The following RNF144A variants were observed in gnomAD, a reference collection of about 807,000 sequenced individuals.
The protein encoded by RNF144A is ring finger protein 144A.
RNF144A carries 11 observed loss-of-function variants against 38.7 expected under a neutral mutation model. That is an observed-to-expected ratio of 0.28 (90% confidence interval 0.18 to 0.47). RNF144A has a LOEUF of 0.47. Among genes scored for constraint, RNF144A ranks in the 20% least tolerant of loss-of-function variants. RNF144A has a pLI of 0.99. For synonymous variants in RNF144A, 149 were observed against 143.9 expected, an observed-to-expected ratio of 1.04 and a Z score of -0.25; for missense variants, 316 against 377.2, an observed-to-expected ratio of 0.84 and a Z score of 1.34.
chr2:7,018,345 A>G (rs763471386), intron 5 of RNF144A, among the ~76,000 whole-genome samples: 2 of 152,236 alleles, frequency 1.3e-5, no homozygotes, highest in South Asian at 4.1e-4. Context: ...CTGGGCAGAC[A>G]TGGGCCTCCT....
At chr2:7,021,203 C>T (rs946005920) in intron 6 of RNF144A, among the ~76,000 whole-genome samples, 23 of 152,152 alleles carry the variant, frequency 1.5e-4, no homozygotes, top group Admixed American at 2.6e-4. Context: ...TTTGACATTT[C>T]GTAGGTTGAT....
intron 6 of RNF144A, chr2:7,020,895 C>A: frequency 1.7e-6 from 1 of 572,492 alleles, no homozygotes; most frequent in African/African-American, 1.9e-5. Flanking sequence ...GTGTGAGGCC[C>A]TGGAAATAGA....
In RNF144A at chr2:6,944,880, C is replaced by T. The variant is rs946631017; in HGVS notation, c.-12+3733C>T. ...AATACTAGAAAATGACATTCCAGCA[C>T]GAGCAAAGATTTTTTAAATGTTTAG... On this transcript the variant is annotated intron_variant, in intron 2 of 8. Transcript: ENST00000320892. The surrounding 1 kb of genome is among the most constrained non-coding windows in gnomAD (Gnocchi z 4.7). Among the ~76,000 whole-genome samples the T allele has an allele frequency of 9.2e-5, 14 of 152,156 alleles. No individual in the cohort carries two copies. The highest frequency in any genetic ancestry group is 3.8e-4 in the East Asian group (2 of 5,196).
intron 1 of RNF144A, among the ~76,000 whole-genome samples, chr2:6,936,955 C>T (rs549866317): frequency 1.4e-4 from 22 of 151,736 alleles, no homozygotes; most frequent in Admixed American, 1.3e-3. Context: ...TCTTATTCAC[C>T]TTGTTGTCAC....
At chr2:7,028,316 C>A (rs770430788) in intron 7 of RNF144A, among the ~76,000 whole-genome samples, 1 of 152,224 alleles carries the variant, frequency 6.6e-6, no homozygotes, top group Admixed American at 6.5e-5. Context: ...GCCCAGACGA[C>A]GGCCCCTGTG....
intron 5 of RNF144A, among the ~76,000 whole-genome samples, chr2:7,019,843 T>A (rs1671397566): frequency 6.6e-6 from 1 of 152,240 alleles, no homozygotes; most frequent in African/African-American, 2.4e-5. Flanking sequence ...GTGCTGTGAT[T>A]TGGAGAGAAA....
chr2:7,056,549 G>T (rs1405787819), intron 6 of RNF144A, among the ~76,000 whole-genome samples: 1 of 152,104 alleles, frequency 6.6e-6, no homozygotes, highest in Non-Finnish European at 1.5e-5. Context: ...TCAATCTGAG[G>T]GTATCTTGGC....
chr2:7,057,743 A>G (rs1453633441), intron 6 of RNF144A, among the ~76,000 whole-genome samples: 1 of 152,226 alleles, frequency 6.6e-6, no homozygotes, highest in Non-Finnish European at 1.5e-5. Flanking sequence ...CAAATTGAAT[A>G]CATTTTAGAT....
At chr2:6,919,912 G>A (rs1311914242) in intron 1 of RNF144A, among the ~76,000 whole-genome samples, 5 of 152,232 alleles carry the variant, frequency 3.3e-5, no homozygotes, top group African/African-American at 1.2e-4. Context: ...AACTCAAAGA[G>A]CATTGTAAAA....
At chr2:6,918,737 C>T (rs575794249) in intron 1 of RNF144A, 1 of 119,750 alleles carries the variant, frequency 8.4e-6, no homozygotes, top group Non-Finnish European at 1.6e-5. Context: ...GCACTCCCGC[C>T]TGGGCGACAG....
chr2:6,996,789 T>C, intron 2 of RNF144A, 127 bp from the exon 3 acceptor site: 1 of 906,118 alleles, frequency 1.1e-6, no homozygotes, highest in Non-Finnish European at 1.7e-6. Context: ...ATCCAGATGC[T>C]CTAGGCTCCA....
At chr2:6,930,225 G>T (rs372327917) in intron 1 of RNF144A, among the ~76,000 whole-genome samples, 1 of 152,198 alleles carries the variant, frequency 6.6e-6, no homozygotes, top group South Asian at 2.1e-4. Context: ...GATTTTTGGA[G>T]ATAGTGGGCA....
At chr2:6,998,099 A>G (rs1669874875) in intron 3 of RNF144A, among the ~76,000 whole-genome samples, 1 of 152,252 alleles carries the variant, frequency 6.6e-6, no homozygotes, top group Admixed American at 6.5e-5. Flanking sequence ...ATTATAACTG[A>G]AAAAAGCTGA....
chr2:6,999,556 G>A (rs1055665075), intron 3 of RNF144A, among the ~76,000 whole-genome samples: 5 of 152,206 alleles, frequency 3.3e-5, no homozygotes, highest in African/African-American at 1.2e-4. Context: ...TTATCTCAAG[G>A]AGTCCGGGGC....
intron 1 of RNF144A, among the ~76,000 whole-genome samples, chr2:6,930,609 T>G (rs1250891974): frequency 6.6e-6 from 1 of 152,144 alleles, no homozygotes; most frequent in South Asian, 2.1e-4. Flanking sequence ...TTTATTTTTT[T>G]GAGACAGGAT....
At chr2:6,922,238 C>G (rs1664581807) in intron 1 of RNF144A, among the ~76,000 whole-genome samples, 1 of 41,112 alleles carries the variant, frequency 2.4e-5, no homozygotes, top group Non-Finnish European at 7.6e-5. Flanking sequence ...CCATAGTTGA[C>G]TGGGGCCAGC....
rs113145015 is a variant in RNF144A at position 6,946,536 on chromosome 2, C to T, written c.-12+5389C>T. Among the ~76,000 whole-genome samples, 123 of 151,838 alleles carry T rather than the reference C, an allele frequency of 8.1e-4. 1 individual carries two copies. Among genetic ancestry groups the T allele is most frequent in the African/African-American group, 2.7e-3 (111 of 41,434 alleles). ...AATATAATACCTATAATTGTATGTA[C>T]ATAAATATATAGTCAATGTAAAAAC... On this transcript the variant is annotated intron_variant, in intron 2 of 8. Coordinates refer to ENST00000320892, the MANE Select transcript of RNF144A (RefSeq NM_014746.6).
At chr2:7,038,203 A>G (rs141064236) in intron 8 of RNF144A, among the ~76,000 whole-genome samples, 202 of 152,372 alleles carry the variant, frequency 1.3e-3, no homozygotes, top group African/African-American at 4.7e-3. Flanking sequence ...CTGATGCACC[A>G]TGCCTGTGTC....
intron 2 of RNF144A, among the ~76,000 whole-genome samples, chr2:6,982,444 G>A (rs1228843718): frequency 1.3e-5 from 2 of 152,146 alleles, no homozygotes; most frequent in East Asian, 1.9e-4. Flanking sequence ...CCTGATTCAC[G>A]CTAGTATTTT....
Sources: gnomAD v4.1 joint callset for allele counts (sites outside exome capture counted in the v4.1 genomes callset) on GRCh38, gnomAD v4.1.1 for gene constraint, Gnocchi (gnomAD v3.1) non-coding constraint, MANE v1.5 for transcripts, NCBI Gene and HGNC (gene_info 2026-07-23, HGNC 2026-07-21) for gene names.